RCAN3: variants seen among roughly 807,000 people sequenced by gnomAD.
RCAN3 encodes the protein calcipressin-3.
RCAN3 carries 19 observed loss-of-function variants against 21.9 expected under a neutral mutation model. The observed-to-expected ratio is 0.87, with a 90% CI of 0.61 to 1.27. The LOEUF (loss-of-function observed/expected upper bound fraction) is 1.27. Ranked by LOEUF, RCAN3 falls within the 50% of genes most tolerant of loss-of-function variation. RCAN3 has a pLI of 0.00. For missense variants in RCAN3, 240 were observed against 300.1 expected (o/e 0.80, Z 1.48); for synonymous variants, 114 against 112.3 (o/e 1.01, Z -0.09).
At chr1:24,533,394 C>A in intron 4 of RCAN3, 140 bp downstream of exon 4, 1 of 585,786 alleles carries the variant, frequency 1.7e-6, no homozygotes, top group Non-Finnish European at 2.7e-6. Flanking sequence ...CCAGCTGTGG[C>A]ATCTGCTTGC....
At chr1:24,531,673 C>T (rs1339042668) in intron 3 of RCAN3, among the ~76,000 whole-genome samples, 1 of 152,178 alleles carries the variant, frequency 6.6e-6, no homozygotes, top group Non-Finnish European at 1.5e-5. Flanking sequence ...GGGTTACGCC[C>T]TGACACCCTA....
Position 24,516,277 on chromosome 1 carries a change from C to T in RCAN3, c.195+1710C>T, listed in dbSNP as rs531997595. On this transcript the variant is annotated intron_variant, in intron 2 of 4. Transcript: ENST00000374395. The stretch of plus-strand genomic sequence containing the variant: ...CCCAGGGTTTCATGACCAGCCTGGG[C>T]AATATAGCGAGACCCCATCTCCATA... Among the ~76,000 whole-genome samples, 287 of 152,110 alleles carry T rather than the reference C, an allele frequency of 1.9e-3. 1 individual carries two copies. The highest frequency in any genetic ancestry group is 6.5e-3 in the African/African-American group (269 of 41,490).
At chr1:24,508,143 T>TAC (rs1343396897) in intron 1 of RCAN3, among the ~76,000 whole-genome samples, 1 of 151,868 alleles carries the variant, frequency 6.6e-6, no homozygotes, top group African/African-American at 2.4e-5. Flanking sequence ...AAGTGAAAAA[T>TAC]ACAAGACTAG....
rs974602152 is a variant in RCAN3 at position 24,514,405 on chromosome 1, T to C, written c.33T>C (p.Asp11=). MLRDTMKSWN[D]SQSDLCSTDQ... ...GGGACACTATGAAATCTTGGAATGATAGCCAGTCAGATCTGTGTAGCACTG... is the reference window on the plus strand; with the variant it reads ...GGGACACTATGAAATCTTGGAATGACAGCCAGTCAGATCTGTGTAGCACTG... The change falls in exon 2 of 5, where the codon GAT becomes GAC. Residue 11 remains aspartate, a synonymous_variant. Transcript: ENST00000374395. 6.2e-7 allele frequency: 1 copy of C among 1,613,996 alleles called. No individual in the cohort carries two copies. The highest frequency in any genetic ancestry group is 1.1e-5 in the South Asian group (1 of 91,038).
In RCAN3 at chr1:24,535,085, CTCTGCAGGAGAGAAATATGA is replaced by C. The variant is rs770503785; in HGVS notation, c.542-7_554del. On this transcript the variant is annotated splice_acceptor_variant and splice_polypyrimidine_tract_variant and coding_sequence_variant and intron_variant, in exon 5 of 5. Coordinates refer to ENST00000374395, the MANE Select transcript of RCAN3 (RefSeq NM_013441.4). LOFTEE classifies it high-confidence loss of function. Reference sequence around the variant, plus strand: ...CTTTTGTCATGGTTATTTTGTTTGCCTCTGCAGGAGAGAAATATGAACTTCACGCGGGAACAGAGTCGACA... The same window carrying C: ...CTTTTGTCATGGTTATTTTGTTTGCCACTTCACGCGGGAACAGAGTCGACA... 6.3e-7 allele frequency: 1 copy of C among 1,593,386 alleles called. No homozygotes were observed. Among genetic ancestry groups the C allele is most frequent in the Non-Finnish European group, 8.5e-7 (1 of 1,172,900 alleles).
intron 3 of RCAN3, among the ~76,000 whole-genome samples, chr1:24,532,121 A>T (rs185257899): frequency 6.6e-6 from 1 of 152,238 alleles, no homozygotes; most frequent in Admixed American, 6.5e-5. Context: ...GTCTCTTGAG[A>T]TGGAGTACAA....
chr1:24,515,143 A>G (rs1047779935), intron 2 of RCAN3, among the ~76,000 whole-genome samples: 1 of 152,200 alleles, frequency 6.6e-6, no homozygotes, highest in African/African-American at 2.4e-5. Context: ...AGTCTTATTC[A>G]ATCCATTCAC....
At chr1:24,513,261 C>A (rs1648039492) in intron 1 of RCAN3, among the ~76,000 whole-genome samples, 1 of 151,880 alleles carries the variant, frequency 6.6e-6, no homozygotes, top group South Asian at 2.1e-4. Context: ...AAAAAGGACA[C>A]CTTTTTAATT....
intron 1 of RCAN3, among the ~76,000 whole-genome samples, 197 bp downstream of exon 1, chr1:24,503,347 G>A (rs1396262313): frequency 6.6e-6 from 1 of 151,340 alleles, no homozygotes; most frequent in African/African-American, 2.4e-5. Flanking sequence ...CACCCTTCTC[G>A]CGCGCGGGGT....
At chr1:24,513,023 G>T (rs913601429) in intron 1 of RCAN3, among the ~76,000 whole-genome samples, 1 of 151,998 alleles carries the variant, frequency 6.6e-6, no homozygotes, top group African/African-American at 2.4e-5. Context: ...GGATCACCAG[G>T]TCAGGAGATC....
In RCAN3 at chr1:24,531,404, G is replaced by A; in HGVS notation, c.369+13G>A. 1 of 1,577,514 alleles carries A rather than the reference G, an allele frequency of 6.3e-7. No homozygotes were observed. The highest frequency in any genetic ancestry group is 1.7e-4 in the Middle Eastern group (1 of 5,890). The stretch of plus-strand genomic sequence containing the variant: ...ATATTTTGCACAGGTACTTCACCGT[G>A]CAGAGAACACTGTTCTCTAAACTTG... On this transcript the variant is annotated intron_variant, in intron 3 of 4. Coordinates refer to ENST00000374395, the MANE Select transcript of RCAN3 (RefSeq NM_013441.4).
At chr1:24,532,566 C>A (rs1649850815) in intron 3 of RCAN3, among the ~76,000 whole-genome samples, 1 of 151,558 alleles carries the variant, frequency 6.6e-6, no homozygotes, top group Non-Finnish European at 1.5e-5. Flanking sequence ...TCATGAAGCA[C>A]CTACTGTGTG....
Position 24,528,866 on chromosome 1 carries a change from T to C in RCAN3, c.196-2352T>C, listed in dbSNP as rs998078060. Reference sequence around the variant, plus strand: ...CTGGATATACTGAACATGTTTATAATACTGTACCAAACAGCTGCGCAAACA... The same window carrying C: ...CTGGATATACTGAACATGTTTATAACACTGTACCAAACAGCTGCGCAAACA... On this transcript the variant is annotated intron_variant, in intron 2 of 4. Transcript: ENST00000374395. Among the ~76,000 whole-genome samples the C allele has an allele frequency of 4.6e-5, 7 of 152,214 alleles. No individual in the cohort carries two copies. In the East Asian group the frequency reaches 1.3e-3, roughly 29 times the overall value.
At chr1:24,513,169 G>A (rs1038099052) in intron 1 of RCAN3, among the ~76,000 whole-genome samples, 1 of 152,112 alleles carries the variant, frequency 6.6e-6, no homozygotes, top group African/African-American at 2.4e-5. Flanking sequence ...CCCGGGAGGC[G>A]GAGCTTGCAG....
intron 3 of RCAN3, among the ~76,000 whole-genome samples, chr1:24,531,917 T>C (rs1423723195): frequency 6.6e-6 from 1 of 152,200 alleles, no homozygotes; most frequent in Non-Finnish European, 1.5e-5. Flanking sequence ...CCTGCATTGG[T>C]GTGACTCTCT....
chr1:24,511,114 C>T (rs1557564963), intron 1 of RCAN3, among the ~76,000 whole-genome samples: 1 of 152,112 alleles, frequency 6.6e-6, no homozygotes, highest in Non-Finnish European at 1.5e-5. Flanking sequence ...GAGATTGAGG[C>T]CATCCTGGCC....
intron 2 of RCAN3, among the ~76,000 whole-genome samples, chr1:24,530,378 A>AAAAAAAAAAAAAAAC: frequency 1.3e-5 from 2 of 149,302 alleles, no homozygotes; most frequent in Non-Finnish European, 1.5e-5. Context: ...AAAAAAAAAA[A>AAAAAAAAAAAAAAAC]AGACAGTCAC....
chr1:24,534,091 A>G (rs1041193241), intron 4 of RCAN3, among the ~76,000 whole-genome samples: 2 of 152,138 alleles, frequency 1.3e-5, no homozygotes, highest in African/African-American at 2.4e-5. Flanking sequence ...TTAAAATCAT[A>G]TAAGAAACCG....
intron 4 of RCAN3, 103 bp downstream of exon 4, chr1:24,533,357 A>G: frequency 1.1e-6 from 1 of 913,010 alleles, no homozygotes; most frequent in Non-Finnish European, 1.5e-6. Context: ...AGCAGAGGAT[A>G]AAGTCAAACA....
Sources: gnomAD v4.1 joint callset for allele counts (sites outside exome capture counted in the v4.1 genomes callset) on GRCh38, gnomAD v4.1.1 for gene constraint, MANE v1.5 for transcripts, NCBI Gene and HGNC (gene_info 2026-07-23, HGNC 2026-07-21) for gene names.